The following ANO1 variants were observed in gnomAD, a reference collection of about 807,000 sequenced individuals.
The protein encoded by ANO1 is anoctamin-1.
ANO1 carries 59 observed loss-of-function variants against 124.0 expected under a neutral mutation model. The ratio of observed to expected loss-of-function variants is 0.48; its 90% CI spans 0.39 to 0.59. The LOEUF is 0.59. Ranked by LOEUF, ANO1 falls within the 20% of genes least tolerant of loss-of-function variation. The probability of loss-of-function intolerance (pLI) is 0.00; values close to 1 mark genes in which losing one functional copy is unlikely to be tolerated. For missense variants in ANO1, 1,059 were observed against 1,328.0 expected (o/e 0.80, Z 3.15); for synonymous variants, 529 against 532.0 (o/e 0.99, Z 0.08).
chr11:70,056,384 G>C (rs574690926), intron 1 of ANO1: 1 of 152,080 alleles, frequency 6.6e-6, no homozygotes, highest in African/African-American at 2.4e-5. Context: ...TCAGCCATTT[G>C]CCTTATTATT....
chr11:70,117,383 C>T (rs897052875), intron 8 of ANO1, among the ~76,000 whole-genome samples: 2 of 152,052 alleles, frequency 1.3e-5, no homozygotes, highest in Admixed American at 6.5e-5. Context: ...CCCCTTTATT[C>T]TTTAGTGGCT....
chr11:70,168,359 G>A (rs920066365), intron 21 of ANO1, among the ~76,000 whole-genome samples: 2 of 152,050 alleles, frequency 1.3e-5, no homozygotes, highest in Non-Finnish European at 2.9e-5. Context: ...CCCAACAGAG[G>A]GGTCTTCCCT....
intron 1 of ANO1, among the ~76,000 whole-genome samples, chr11:70,021,750 G>T (rs1427113307): frequency 6.6e-6 from 1 of 152,134 alleles, no homozygotes; most frequent in Non-Finnish European, 1.5e-5. Context: ...GCCCAGGAAG[G>T]CTCCAGAGAC....
chr11:70,111,318 T>A (rs2045770740), intron 6 of ANO1: 2 of 483,754 alleles, frequency 4.1e-6, no homozygotes, highest in Non-Finnish European at 8.0e-6. Flanking sequence ...CTCTAACCAC[T>A]TACAATCCAC....
At position 70,124,352 on chromosome 11, in the gene ANO1, C is replaced by A. The variant is rs757569033; in HGVS notation, c.900C>A (p.Leu300=). Residue 300 remains leucine (L), a splice_region_variant and synonymous_variant, in exon 9 of 26, where the codon CTC becomes CTA. Transcript: ENST00000355303. ...CCCCACTGCTTCCTCCCCCTCAGCT[C>A]CTGTACGAAGAGTGGGCACGCTATG... is the stretch of plus-strand genomic sequence containing the variant. ...GENVEFNDRK[L]LYEEWARYGV... 5 of 1,613,888 alleles carry A rather than the reference C, an allele frequency of 3.1e-6. No homozygotes were observed. Among genetic ancestry groups the A allele is most frequent in the Non-Finnish European group, 3.4e-6 (4 of 1,179,882 alleles).
At chr11:70,051,866 C>T (rs1434742989) in intron 1 of ANO1, among the ~76,000 whole-genome samples, 2 of 152,148 alleles carry the variant, frequency 1.3e-5, no homozygotes, top group African/African-American at 2.4e-5. Context: ...TTAATGTTGT[C>T]TTTTGATCAA....
chr11:69,990,043 T>C (rs943066475), intron 1 of ANO1, among the ~76,000 whole-genome samples: 1 of 152,134 alleles, frequency 6.6e-6, no homozygotes, highest in Non-Finnish European at 1.5e-5. Flanking sequence ...TGGCATTAAA[T>C]ACATTCACGA....
chr11:69,990,337 T>G (rs1340432087), intron 1 of ANO1, among the ~76,000 whole-genome samples: 1 of 152,258 alleles, frequency 6.6e-6, no homozygotes, highest in East Asian at 1.9e-4. Context: ...TCATTAGTTT[T>G]ATGGAGGAAT....
rs78776664 is a variant in ANO1 at position 70,143,252 on chromosome 11, C to T, written c.1259-6458C>T. On this transcript the variant is annotated intron_variant, in intron 11 of 25. Coordinates refer to ENST00000355303, the MANE Select transcript of ANO1 (RefSeq NM_018043.7). Reference sequence around the variant, plus strand: ...GGCAGCTACAGAGCGGGTTGCAGCTCGCTCAGGGGAACCAAGAGAGTGTCA... The same window carrying T: ...GGCAGCTACAGAGCGGGTTGCAGCTTGCTCAGGGGAACCAAGAGAGTGTCA... Among the ~76,000 whole-genome samples the T allele has an allele frequency of 4.1e-4, 62 of 152,266 alleles. No homozygotes were observed. The East Asian group carries it at 0.011, about 28-fold the overall frequency.
intron 10 of ANO1, among the ~76,000 whole-genome samples, chr11:70,129,910 C>A (rs556357210): frequency 1.3e-5 from 2 of 152,134 alleles, no homozygotes; most frequent in Admixed American, 1.3e-4. Flanking sequence ...CATGAGCCAC[C>A]GTGCCTGGCC....
intron 10 of ANO1, among the ~76,000 whole-genome samples, chr11:70,130,074 G>A (rs959255037): frequency 3.3e-5 from 5 of 152,176 alleles, no homozygotes; most frequent in South Asian, 2.1e-4. Context: ...ATGGTTCTGC[G>A]CATAAGTTCA....
chr11:70,131,903 G>T lies in ANO1; in HGVS notation c.1098-16G>T. 6.3e-7 allele frequency: 1 copy of T among 1,599,354 alleles called. No homozygotes were observed. On this transcript the variant is annotated splice_polypyrimidine_tract_variant and intron_variant, in intron 10 of 25. Coordinates refer to ENST00000355303, the MANE Select transcript of ANO1 (RefSeq NM_018043.7). ...GGCCCAACAAGGTGACTCCAGGGCT[G>T]CCCCCTCTCTTGCAGCATGGAGATG... is the stretch of plus-strand genomic sequence containing the variant.
At chr11:70,118,365 G>A (rs550405119) in intron 8 of ANO1, among the ~76,000 whole-genome samples, 4 of 152,234 alleles carry the variant, frequency 2.6e-5, no homozygotes, top group East Asian at 1.9e-4. Context: ...AACACAATGC[G>A]GGTTTGTCCA....
rs1396584435 is a variant in ANO1 at position 70,116,708 on chromosome 11, C to T, written c.897+209C>T. 4 of 548,044 alleles carry T rather than the reference C, an allele frequency of 7.3e-6. No homozygotes were observed. The East Asian group carries it at 1.3e-4, about 17-fold the overall frequency. 33.9% of individuals were successfully genotyped at this position (548,044 alleles called of 1,614,324 possible). A position where few individuals can be genotyped will look rare whatever the true frequency, so the allele number is the denominator to read the frequency against. ...GTGTGGCTGGTTTGTTTTCCTCTTT[C>T]TGATTGTCAAAAATGCCCTTGGCAG... On this transcript the variant is annotated intron_variant, in intron 8 of 25. Transcript: ENST00000355303.
chr11:70,093,624 T>C (rs996796309), intron 2 of ANO1, among the ~76,000 whole-genome samples: 5 of 152,184 alleles, frequency 3.3e-5, no homozygotes, highest in African/African-American at 1.2e-4. Context: ...TGGAACCCTA[T>C]AAAAGTCTGT....
In ANO1 at chr11:70,115,643, CA is replaced by C. The variant is rs111829966; in HGVS notation, c.856-807del. The stretch of plus-strand genomic sequence containing the variant: ...CAAAAACAAAATCAAAACAAACAAA[CA>C]AAAAAAACTATTAGCCAGGCCAGGC... On this transcript the variant is annotated intron_variant, in intron 7 of 25. Coordinates refer to ENST00000355303, the MANE Select transcript of ANO1 (RefSeq NM_018043.7). Among the ~76,000 whole-genome samples the C allele has an allele frequency of 2.1e-3, 320 of 151,552 alleles. 1 individual carries two copies. Among genetic ancestry groups the C allele is most frequent in the African/African-American group, 7.4e-3 (304 of 41,322 alleles).
At chr11:70,053,743 T>G (rs1213634330) in intron 1 of ANO1, among the ~76,000 whole-genome samples, 1 of 152,234 alleles carries the variant, frequency 6.6e-6, no homozygotes, top group Non-Finnish European at 1.5e-5. Context: ...CTGGAAGAGT[T>G]TCTGGAAGAT....
At chr11:70,061,254 A>G (rs1565171293) in intron 1 of ANO1, among the ~76,000 whole-genome samples, 1 of 152,062 alleles carries the variant, frequency 6.6e-6, no homozygotes, top group Non-Finnish European at 1.5e-5. Context: ...GAAGATTGGT[A>G]AGAGGGGCTG....
chr11:70,122,481 CCTCTGT>C (rs200579694), intron 8 of ANO1, among the ~76,000 whole-genome samples: 1 of 139,310 alleles, frequency 7.2e-6, no homozygotes, highest in Non-Finnish European at 1.5e-5. Context: ...TCTCCATCTG[CCTCTGT>C]CTCTGTCTCT....
Sources: allele counts gnomAD v4.1 joint callset (sites outside exome capture counted in the v4.1 genomes callset), GRCh38; gene constraint gnomAD v4.1.1; transcripts MANE v1.5; gene names NCBI Gene and HGNC (gene_info 2026-07-23, HGNC 2026-07-21).